Variants in CDK14 observed in about 807,000 individuals in gnomAD.
CDK14 encodes cyclin-dependent kinase 14.
In CDK14, 34 loss-of-function variants were observed where a neutral mutation model predicts 60.7. The observed-to-expected ratio is 0.56, with a 90% CI of 0.43 to 0.75. The LOEUF (loss-of-function observed/expected upper bound fraction) is 0.75, where lower values mean the gene tolerates loss of function less well. CDK14 is among the 30% of genes least tolerant of loss of function. CDK14 has a pLI of 0.00. For missense variants in CDK14, 482 were observed against 564.1 expected, an observed-to-expected ratio of 0.85 and a Z score of 1.47; for synonymous variants, 197 against 203.7, an observed-to-expected ratio of 0.97 and a Z score of 0.28.
At chr7:90,784,169 G>A (rs1440972710) in intron 4 of CDK14, among the ~76,000 whole-genome samples, 1 of 152,138 alleles carries the variant, frequency 6.6e-6, no homozygotes, top group Non-Finnish European at 1.5e-5. Context: ...AATAAGCCAA[G>A]CACTAAGACA....
At chr7:90,955,838 T>C in intron 9 of CDK14, 21 bp downstream of exon 9, 1 of 1,611,382 alleles carries the variant, frequency 6.2e-7, no homozygotes, top group Non-Finnish European at 8.5e-7. Context: ...GAAGCTTTAC[T>C]CTAGCTAATC....
chr7:91,179,002 G>T (rs1286645726), intron 14 of CDK14, among the ~76,000 whole-genome samples: 1 of 152,148 alleles, frequency 6.6e-6, no homozygotes, highest in Admixed American at 6.6e-5. Flanking sequence ...AAAGACACAT[G>T]CACACATCTG....
At chr7:91,150,001 G>A (rs1278642720) in intron 14 of CDK14, among the ~76,000 whole-genome samples, 1 of 152,164 alleles carries the variant, frequency 6.6e-6, no homozygotes, top group African/African-American at 2.4e-5. Context: ...ATTGTGTAGG[G>A]CCCAGCTGCC....
At chr7:91,000,596 C>G (rs1186921420) in intron 10 of CDK14, among the ~76,000 whole-genome samples, 1 of 152,216 alleles carries the variant, frequency 6.6e-6, no homozygotes, top group East Asian at 1.9e-4. Flanking sequence ...TTTATTCCCT[C>G]CACATAACCC....
At chr7:91,123,781 C>G (rs1042442149) in intron 14 of CDK14, among the ~76,000 whole-genome samples, 2 of 152,132 alleles carry the variant, frequency 1.3e-5, no homozygotes, top group South Asian at 2.1e-4. Context: ...ACCACCCTAA[C>G]CGCATGCAAG....
intron 3 of CDK14, among the ~76,000 whole-genome samples, chr7:90,738,558 A>C (rs1803219725): frequency 6.6e-6 from 1 of 152,196 alleles, no homozygotes; most frequent in African/African-American, 2.4e-5. Context: ...TTTTTTAAAA[A>C]AGTGTTAACA....
intron 5 of CDK14, among the ~76,000 whole-genome samples, chr7:90,860,811 C>T (rs1790984951): frequency 6.6e-6 from 1 of 152,116 alleles, no homozygotes; most frequent in Non-Finnish European, 1.5e-5. Context: ...GCATGAGCCA[C>T]CACGCCTGGC....
At chr7:90,967,233 T>C (rs1376501913) in intron 9 of CDK14, among the ~76,000 whole-genome samples, 1 of 151,828 alleles carries the variant, frequency 6.6e-6, no homozygotes, top group Non-Finnish European at 1.5e-5. Context: ...GCAGGCTGGC[T>C]CATATTGTAT....
chr7:90,949,791 A>G (rs1329209761), intron 8 of CDK14, among the ~76,000 whole-genome samples: 1 of 152,226 alleles, frequency 6.6e-6, no homozygotes, highest in African/African-American at 2.4e-5. Flanking sequence ...TTACATACAA[A>G]GGAAAGAAAA....
chr7:91,091,754 GAAGGAAGGAAGT>G (rs745861681), intron 12 of CDK14, among the ~76,000 whole-genome samples: 30,703 of 116,670 alleles, frequency 0.26, 4,140 homozygotes, highest in East Asian at 0.45. Context: ...AGGAAGGAAG[GAAGGAAGGAAGT>G]AAGTTATTTT....
At chr7:90,692,194 A>C (rs1040539981) in intron 2 of CDK14, among the ~76,000 whole-genome samples, 3 of 152,208 alleles carry the variant, frequency 2.0e-5, no homozygotes, top group African/African-American at 7.2e-5. Flanking sequence ...TTTTCTTCTT[A>C]TATCGTTGGT....
At chr7:90,689,007 TC>T (rs1370529702) in intron 2 of CDK14, among the ~76,000 whole-genome samples, 1 of 152,102 alleles carries the variant, frequency 6.6e-6, no homozygotes, top group South Asian at 2.1e-4. Context: ...TCCCTGGCCC[TC>T]CCACAGTGCT....
intron 4 of CDK14, among the ~76,000 whole-genome samples, chr7:90,790,243 T>C (rs1265299355): frequency 1.3e-5 from 2 of 152,058 alleles, no homozygotes; most frequent in African/African-American, 4.8e-5. Context: ...AACAGAGTTA[T>C]TTTTGATTGC....
At chr7:91,028,298 C>A (rs80147087) in intron 10 of CDK14, among the ~76,000 whole-genome samples, 9,162 of 151,764 alleles carry the variant, frequency 0.06, 323 homozygotes, top group African/African-American at 0.097. Context: ...ACACACACAC[C>A]CCCCACATTT....
chr7:90,732,684 A>C (rs527958272), intron 3 of CDK14, among the ~76,000 whole-genome samples: 1 of 152,164 alleles, frequency 6.6e-6, no homozygotes, highest in South Asian at 2.1e-4. Context: ...ATTGGTGTTG[A>C]TATCCCCCTA....
chr7:91,046,923 C>T (rs1431406459), intron 11 of CDK14, among the ~76,000 whole-genome samples: 1 of 152,140 alleles, frequency 6.6e-6, no homozygotes, highest in East Asian at 1.9e-4. Context: ...AGTTGGGAAA[C>T]TATTTTTACT....
intron 14 of CDK14, among the ~76,000 whole-genome samples, chr7:91,186,966 T>C (rs2115915948): frequency 6.6e-6 from 1 of 152,296 alleles, no homozygotes; most frequent in South Asian, 2.1e-4. Flanking sequence ...AAAATCAGGT[T>C]AAAGGAGACC....
Position 90,726,634 on chromosome 7 carries a change from C to A in CDK14, c.191C>A (p.Thr64Lys), listed in dbSNP as rs1802642154. The A allele has an allele frequency of 1.2e-6, 2 of 1,613,796 alleles. No individual in the cohort carries two copies. Among genetic ancestry groups the A allele is most frequent in the Non-Finnish European group, 1.7e-6 (2 of 1,179,790 alleles). Residue 64 changes from threonine (T) to lysine (K), a missense_variant, in exon 3 of 15, where the codon ACA (threonine) becomes AAA (lysine). By Grantham distance (78) the Thr-to-Lys change is moderately conservative. Coordinates refer to ENST00000380050, the MANE Select transcript of CDK14 (RefSeq NM_001287135.2). ...GACTCAGTGATCAAACCCCTGGACACAATTCCTGAGGATAAAAAAGTCAGA... is the reference window on the plus strand; with the variant it reads ...GACTCAGTGATCAAACCCCTGGACAAAATTCCTGAGGATAAAAAAGTCAGA... The part of the protein sequence containing the change: ...GMDSVIKPLD[T>K]IPEDKKVRVQ...
intron 2 of CDK14, among the ~76,000 whole-genome samples, chr7:90,691,728 G>A (rs1469518762): frequency 6.6e-6 from 1 of 152,178 alleles, no homozygotes; most frequent in East Asian, 1.9e-4. Flanking sequence ...ACAATAATCT[G>A]CAAGATGATG....
Sources: gnomAD v4.1 joint callset for allele counts (sites outside exome capture counted in the v4.1 genomes callset) on GRCh38, gnomAD v4.1.1 for gene constraint, MANE v1.5 for transcripts, NCBI Gene and HGNC (gene_info 2026-07-23, HGNC 2026-07-21) for gene names.